RTN4R: variants seen among roughly 807,000 people sequenced by gnomAD.
RTN4R encodes reticulon 4 receptor.
In RTN4R, 4 loss-of-function variants were observed where a neutral mutation model predicts 27.7. That is an observed-to-expected ratio of 0.14 (90% confidence interval 0.07 to 0.33). The LOEUF (loss-of-function observed/expected upper bound fraction) is 0.33, where lower values mean the gene tolerates loss of function less well. Among genes scored for constraint, RTN4R ranks in the 10% least tolerant of loss-of-function variants. The pLI is 1.00. For missense variants in RTN4R, 554 were observed against 671.5 expected, an observed-to-expected ratio of 0.83 and a Z score of 1.93; for synonymous variants, 290 against 305.6, an observed-to-expected ratio of 0.95 and a Z score of 0.53.
intron 1 of RTN4R, among the ~76,000 whole-genome samples, chr22:20,251,098 G>A (rs2051174182): frequency 6.6e-6 from 1 of 152,170 alleles, no homozygotes; most frequent in African/African-American, 2.4e-5. Flanking sequence ...CAGAGGCTGG[G>A]CCGAGGCCTC....
chr22:20,255,882 G>A lies in RTN4R; in HGVS notation c.22+12189C>T, dbSNP rs115304055. 9.1e-3 allele frequency among the ~76,000 whole-genome samples: 1,388 copies of A among 152,346 alleles called. 18 individuals are homozygous for A. The highest frequency in any genetic ancestry group is 0.032 in the African/African-American group (1,318 of 41,578). On this transcript the variant is annotated intron_variant, in intron 1 of 1. Coordinates refer to ENST00000043402, the MANE Select transcript of RTN4R (RefSeq NM_023004.6). This position sits in a 1 kb window ranked among gnomAD's most constrained non-coding sequence, Gnocchi z 4.8. The stretch of plus-strand genomic sequence containing the variant: ...CGGGCTTCTCTCAGCTGCTATGAGA[G>A]CCCCCAATGCGTCTCCACAACCAAA...
rs2051205956 is a variant in RTN4R, at chr22:20,255,322, T to C, written c.23-12212A>G. 6.6e-6 allele frequency among the ~76,000 whole-genome samples: 1 copy of C among 151,964 alleles called. No homozygotes were observed. The highest frequency in any genetic ancestry group is 2.1e-4 in the South Asian group (1 of 4,794). ...TCCAGAAGGTGGAGACAAATGTAGGTTAGAAGCAGGTGTCTCCAAGGTGCA... is the reference window on the plus strand; with the variant it reads ...TCCAGAAGGTGGAGACAAATGTAGGCTAGAAGCAGGTGTCTCCAAGGTGCA... On this transcript the variant is annotated intron_variant, in intron 1 of 1. Coordinates refer to ENST00000043402, the MANE Select transcript of RTN4R (RefSeq NM_023004.6). The surrounding 1 kb of genome is among the most constrained non-coding windows in gnomAD (Gnocchi z 4.8).
chr22:20,246,137 C>T (rs1204036859), intron 1 of RTN4R, among the ~76,000 whole-genome samples: 1 of 152,228 alleles, frequency 6.6e-6, no homozygotes, highest in African/African-American at 2.4e-5. Context: ...TAGCTAGGAG[C>T]TCCTGTCTCA....
At position 20,253,747 on chromosome 22, in the gene RTN4R, T is replaced by C. The variant is rs1017698164; in HGVS notation, c.23-10637A>G. Among the ~76,000 whole-genome samples the C allele has an allele frequency of 2.6e-5, 4 of 151,770 alleles. No individual in the cohort carries two copies. The East Asian group carries it at 5.8e-4, about 22-fold the overall frequency. On this transcript the variant is annotated intron_variant, in intron 1 of 1. Coordinates refer to ENST00000043402, the MANE Select transcript of RTN4R (RefSeq NM_023004.6). ...CATCTAATTTGTGTCTTCCTAGGCA[T>C]AGATGGGGATTTAAAACAAGAACAG...
Position 20,268,169 on chromosome 22 carries a change from G to T in RTN4R, c.-77C>A. ...CGCCCGTCTCCCCGCGGCCGGGTCC[G>T]CATCCAGGCGCCGCCGCTACGGCCC... On this transcript the variant is annotated 5_prime_UTR_variant, in exon 1 of 2. Transcript: ENST00000043402. 1.3e-6 allele frequency: 1 copy of T among 756,446 alleles called. No individual in the cohort carries two copies. Among genetic ancestry groups the T allele is most frequent in the Non-Finnish European group, 1.7e-6 (1 of 596,542 alleles). 46.9% of individuals were successfully genotyped at this position (756,446 alleles called of 1,614,324 possible). A position where few individuals can be genotyped will look rare whatever the true frequency, so the allele number is the denominator to read the frequency against.
chr22:20,251,310 G>A (rs1233466800), intron 1 of RTN4R, among the ~76,000 whole-genome samples: 1 of 152,132 alleles, frequency 6.6e-6, no homozygotes, highest in East Asian at 1.9e-4. Context: ...AAATATTAAA[G>A]ATGAGAACAC....
chr22:20,266,066 C>T (rs942693467), intron 1 of RTN4R, among the ~76,000 whole-genome samples: 2 of 152,250 alleles, frequency 1.3e-5, no homozygotes, highest in African/African-American at 4.8e-5. Flanking sequence ...CTGATGGCCA[C>T]CCATTCCCAC....
In RTN4R at chr22:20,241,759, G is replaced by A. The variant is rs745415553; in HGVS notation, c.1374C>T (p.Thr458=). The A allele has an allele frequency of 6.4e-7, 1 of 1,553,004 alleles. No individual in the cohort carries two copies. The highest frequency in any genetic ancestry group is 8.7e-7 in the Non-Finnish European group (1 of 1,148,282). Residue 458 remains threonine, a synonymous_variant, in exon 2 of 2, where the codon ACC becomes ACT. Coordinates refer to ENST00000043402, the MANE Select transcript of RTN4R (RefSeq NM_023004.6). ...GALPSLTCSL[T]PLGLALVLWT... is the part of the protein sequence containing the mutation. ...ACAGCACCAGCGCCAGGCCCAGGGG[G>A]GTGAGGCTGCAGGTGAGGCTGGGTA...
chr22:20,263,299 T>C (rs887866541), intron 1 of RTN4R, among the ~76,000 whole-genome samples: 1 of 152,108 alleles, frequency 6.6e-6, no homozygotes, highest in Non-Finnish European at 1.5e-5. Flanking sequence ...CCAAAACAGG[T>C]TCCTGGGCAC....
chr22:20,251,827 A>AG, intron 1 of RTN4R, among the ~76,000 whole-genome samples: 1 of 139,856 alleles, frequency 7.2e-6, no homozygotes, highest in Non-Finnish European at 1.6e-5. Context: ...TATCACCATC[A>AG]TTATCATCAT....
At chr22:20,251,458 G>A (rs1302627909) in intron 1 of RTN4R, among the ~76,000 whole-genome samples, 1 of 150,878 alleles carries the variant, frequency 6.6e-6, no homozygotes, top group Non-Finnish European at 1.5e-5. Context: ...GTAGGCTGTG[G>A]AGGCATTTTC....
At chr22:20,264,788 C>T (rs1486597220) in intron 1 of RTN4R, among the ~76,000 whole-genome samples, 1 of 152,164 alleles carries the variant, frequency 6.6e-6, no homozygotes, top group South Asian at 2.1e-4. Context: ...AGGCCCAGGC[C>T]CTGGGTGGCT....
intron 1 of RTN4R, among the ~76,000 whole-genome samples, chr22:20,257,071 T>C (rs1190981628): frequency 6.6e-6 from 1 of 152,210 alleles, no homozygotes; most frequent in African/African-American, 2.4e-5. Flanking sequence ...ATGTTAGTCA[T>C]GTGAATGCAC....
At chr22:20,267,406 C>A (rs1433090647) in intron 1 of RTN4R, among the ~76,000 whole-genome samples, 1 of 152,190 alleles carries the variant, frequency 6.6e-6, no homozygotes, top group Non-Finnish European at 1.5e-5. Flanking sequence ...CGGGGGAGTC[C>A]CACGAGGGCT....
chr22:20,248,553 C>G (rs1243001597), intron 1 of RTN4R, among the ~76,000 whole-genome samples: 5 of 152,220 alleles, frequency 3.3e-5, no homozygotes, highest in Non-Finnish European at 1.5e-5. Context: ...CTCGCTTGGC[C>G]CTCCCTCCGT....
intron 1 of RTN4R, among the ~76,000 whole-genome samples, chr22:20,245,155 G>A (rs372419972): frequency 2.2e-4 from 34 of 152,170 alleles, no homozygotes; most frequent in East Asian, 3.9e-4. Context: ...GTGCGGGGTC[G>A]GGGGAGACAG....
chr22:20,250,021 C>T (rs937695109), intron 1 of RTN4R, among the ~76,000 whole-genome samples: 3 of 152,238 alleles, frequency 2.0e-5, no homozygotes, highest in Admixed American at 1.3e-4. Flanking sequence ...TAAGCAGTGC[C>T]TGCTAAGACC....
At chr22:20,247,096 G>A (rs983078268) in intron 1 of RTN4R, among the ~76,000 whole-genome samples, 4 of 152,138 alleles carry the variant, frequency 2.6e-5, no homozygotes, top group South Asian at 4.1e-4. Context: ...TGCAGGCCAC[G>A]TGCAGAGGGG....
At position 20,241,824 on chromosome 22, in the gene RTN4R, C is replaced by G; in HGVS notation, c.1309G>C (p.Gly437Arg). ...SHCRLGQAGS[G>R]GGGTGDSEGS... is the part of the protein sequence containing the mutation. ...TCTGAGTCACCAGTCCCGCCACCCC[C>G]GCTGCCTGCCTGGCCCAGACGGCAG... Residue 437 changes from glycine to arginine, a missense_variant, in exon 2 of 2, where the codon GGG becomes CGG. Transcript: ENST00000043402. 1.3e-5 allele frequency: 20 copies of G among 1,596,118 alleles called. No individual in the cohort carries two copies. Among genetic ancestry groups the G allele is most frequent in the Non-Finnish European group, 1.7e-5 (20 of 1,172,302 alleles).
Sources: allele counts gnomAD v4.1 joint callset (sites outside exome capture counted in the v4.1 genomes callset), GRCh38; gene constraint gnomAD v4.1.1; non-coding constraint Gnocchi (gnomAD v3.1); transcripts MANE v1.5; gene names NCBI Gene and HGNC (gene_info 2026-07-23, HGNC 2026-07-21).